Variants in TOGARAM1 observed in about 807,000 individuals in gnomAD.
TOGARAM1 encodes the protein TOG array regulator of axonemal microtubules 1, also known as TOG array regulator of axonemal microtubules protein 1.
In TOGARAM1, 100 loss-of-function variants were observed where a neutral mutation model predicts 166.6. That is an observed-to-expected ratio of 0.60 (90% CI 0.51 to 0.71). The LOEUF is 0.71. Ranked by LOEUF, TOGARAM1 falls within the 30% of genes least tolerant of loss-of-function variation. The pLI is 0.00. For missense variants in TOGARAM1, 2,029 were observed against 2,102.7 expected (o/e 0.96, Z 0.69); for synonymous variants, 758 against 763.8 (o/e 0.99, Z 0.13).
chr14:45,041,713 G>T (rs1024885716), intron 11 of TOGARAM1, among the ~76,000 whole-genome samples: 1 of 152,184 alleles, frequency 6.6e-6, no homozygotes, highest in Non-Finnish European at 1.5e-5. Flanking sequence ...TTAGTTAATA[G>T]CCCTGCCTTA....
At chr14:44,982,032 G>A (rs1886565830) in intron 1 of TOGARAM1, among the ~76,000 whole-genome samples, 1 of 151,802 alleles carries the variant, frequency 6.6e-6, no homozygotes, top group South Asian at 2.1e-4. Context: ...CAGTAGAGGT[G>A]GGGTTTTGCT....
chr14:44,999,604 T>C, intron 3 of TOGARAM1, 107 bp downstream of exon 3: 1 of 880,324 alleles, frequency 1.1e-6, no homozygotes, highest in Non-Finnish European at 1.6e-6. Context: ...TCACAAAAAA[T>C]AAAAGGATTT....
At chr14:44,990,198 G>C (rs1845813860) in intron 1 of TOGARAM1, among the ~76,000 whole-genome samples, 2 of 152,182 alleles carry the variant, frequency 1.3e-5, no homozygotes, top group Admixed American at 1.3e-4. Flanking sequence ...TCCCTGCCAG[G>C]TGCCACCTGA....
intron 18 of TOGARAM1, among the ~76,000 whole-genome samples, chr14:45,070,381 G>C (rs1883326438): frequency 6.6e-6 from 1 of 152,186 alleles, no homozygotes; most frequent in East Asian, 1.9e-4. Context: ...ATAAGCAGGG[G>C]AAAGTCATGA....
intron 11 of TOGARAM1, among the ~76,000 whole-genome samples, chr14:45,041,675 A>G (rs1881734412): frequency 6.6e-6 from 1 of 152,216 alleles, no homozygotes; most frequent in Admixed American, 6.5e-5. Context: ...CTAATCTGAA[A>G]TATACTTCTC....
At chr14:45,054,118 GC>G (rs1882515573) in intron 15 of TOGARAM1, among the ~76,000 whole-genome samples, 1 of 152,186 alleles carries the variant, frequency 6.6e-6, no homozygotes, top group Admixed American at 6.5e-5. Flanking sequence ...TGATCCACCT[GC>G]CTCAGCCTCC....
At position 44,971,669 on chromosome 14, in the gene TOGARAM1, A is replaced by G. The variant is rs112606992; in HGVS notation, c.2046+7202A>G. On this transcript the variant is annotated intron_variant, in intron 1 of 19. Coordinates refer to ENST00000361462, the MANE Select transcript of TOGARAM1 (RefSeq NM_001308120.2). The stretch of plus-strand genomic sequence containing the variant: ...CGATTTTAGATCTTTCTTCTTTTCT[A>G]ATATATGCCTTCAGTGCCATAAATT... Among the ~76,000 whole-genome samples, 472 of 152,224 alleles carry G rather than the reference A, an allele frequency of 3.1e-3. 5 individuals carry two copies. Among genetic ancestry groups the G allele is most frequent in the African/African-American group, 0.011 (453 of 41,512 alleles).
intron 16 of TOGARAM1, among the ~76,000 whole-genome samples, chr14:45,057,705 C>T (rs1432784162): frequency 6.6e-6 from 1 of 152,090 alleles, no homozygotes; most frequent in Admixed American, 6.5e-5. Flanking sequence ...ACTCTGTGGT[C>T]GTTCAGGAGT....
chr14:45,023,678 C>T (rs981097591), intron 7 of TOGARAM1, among the ~76,000 whole-genome samples: 2 of 152,108 alleles, frequency 1.3e-5, no homozygotes, highest in Non-Finnish European at 1.5e-5. Context: ...AGTCTTGCCC[C>T]GTTGGCAAGC....
At chr14:45,015,902 C>T (rs993006087) in intron 7 of TOGARAM1, among the ~76,000 whole-genome samples, 1 of 152,060 alleles carries the variant, frequency 6.6e-6, no homozygotes, top group Non-Finnish European at 1.5e-5. Flanking sequence ...GATTTAATAT[C>T]TCTAAATCAG....
intron 1 of TOGARAM1, among the ~76,000 whole-genome samples, chr14:44,989,004 G>A (rs1886996851): frequency 6.6e-6 from 1 of 152,198 alleles, no homozygotes; most frequent in Non-Finnish European, 1.5e-5. Flanking sequence ...CACTTAGCCA[G>A]AATCAACCAG....
intron 1 of TOGARAM1, among the ~76,000 whole-genome samples, chr14:44,966,009 A>G (rs944307091): frequency 2.7e-5 from 4 of 150,554 alleles, no homozygotes; most frequent in African/African-American, 9.8e-5. Flanking sequence ...TGAGTAGCTG[A>G]GATTACAGGC....
Position 44,962,207 on chromosome 14 carries a change from A to T in TOGARAM1, c.-215A>T, listed in dbSNP as rs1225344682. On this transcript the variant is annotated 5_prime_UTR_variant, in exon 1 of 20. Transcript: ENST00000361462. ...GTTTGGTCACGTGGTGCCCTTGGTT[A>T]CGCCCGGTGGCAGCTGTGGGGTCTA... is the stretch of plus-strand genomic sequence containing the variant. 5.9e-6 allele frequency: 3 copies of T among 510,010 alleles called. No individual in the cohort carries two copies. Among genetic ancestry groups the T allele is most frequent in the Non-Finnish European group, 1.0e-5 (3 of 294,172 alleles). 31.6% of individuals were successfully genotyped at this position (510,010 alleles called of 1,614,324 possible).
At chr14:45,064,775 C>T (rs775805335) in intron 16 of TOGARAM1, among the ~76,000 whole-genome samples, 3 of 152,090 alleles carry the variant, frequency 2.0e-5, no homozygotes, top group South Asian at 2.1e-4. Context: ...AGTAGTTATT[C>T]GCATGGTTGA....
rs772262860 is a variant in TOGARAM1 at position 45,054,476 on chromosome 14, C to T, written c.4486C>T (p.Arg1496Ter). The part of the protein sequence containing the change: ...PLDTPSAKGR[R>*]SHTGSVGNTR... ...AGATACTCCTTCAGCAAAAGGAAGA[C>T]GATCTCATACTGGCAGTGTTGGAAA... Residue 1496 changes from arginine (R) to a stop codon, truncating the protein, a stop_gained, in exon 16 of 20, where the codon CGA becomes TGA. Coordinates refer to ENST00000361462, the MANE Select transcript of TOGARAM1 (RefSeq NM_001308120.2). LOFTEE classifies it high-confidence loss of function. 1.4e-5 allele frequency: 22 copies of T among 1,613,182 alleles called. No individual in the cohort carries two copies. Among genetic ancestry groups the T allele is most frequent in the South Asian group, 4.4e-5 (4 of 90,944 alleles).
At chr14:45,007,084 T>C (rs1447355642) in intron 5 of TOGARAM1, 1 of 151,848 alleles carries the variant, frequency 6.6e-6, no homozygotes, top group Non-Finnish European at 1.5e-5. Context: ...AAAAGTTTTA[T>C]ATTACATATA....
At chr14:45,006,351 T>G in intron 5 of TOGARAM1, 84 bp downstream of exon 5, 5 of 958,218 alleles carry the variant, frequency 5.2e-6, no homozygotes, top group Non-Finnish European at 7.5e-6. Flanking sequence ...ATCAAGTTCT[T>G]TTTATCCTAT....
At chr14:45,018,194 A>G (rs1455636148) in intron 7 of TOGARAM1, among the ~76,000 whole-genome samples, 1 of 152,138 alleles carries the variant, frequency 6.6e-6, no homozygotes, top group Admixed American at 6.5e-5. Context: ...TCATGTGAAT[A>G]GCAGCTGTGG....
intron 1 of TOGARAM1, among the ~76,000 whole-genome samples, chr14:44,984,343 G>A (rs1886677318): frequency 6.6e-6 from 1 of 151,814 alleles, no homozygotes; most frequent in Non-Finnish European, 1.5e-5. Flanking sequence ...CACCATTTCT[G>A]TGATTGTTAA....
Sources: allele counts gnomAD v4.1 joint callset (sites outside exome capture counted in the v4.1 genomes callset), GRCh38; gene constraint gnomAD v4.1.1; transcripts MANE v1.5; gene names NCBI Gene and HGNC (gene_info 2026-07-23, HGNC 2026-07-21).